Variants in DOCK10 observed in about 807,000 individuals in gnomAD.
DOCK10 encodes the protein dedicator of cytokinesis 10, also known as dedicator of cytokinesis protein 10.
A neutral mutation model predicts 280.1 loss-of-function variants in DOCK10; 145 were observed. The ratio of observed to expected loss-of-function variants is 0.52; its 90% confidence interval spans 0.45 to 0.59. DOCK10 has a LOEUF of 0.59. Among genes scored for constraint, DOCK10 ranks in the 20% least tolerant of loss-of-function variants. The probability of loss-of-function intolerance (pLI) is 0.00; values close to 1 mark genes in which losing one functional copy is unlikely to be tolerated. For synonymous variants in DOCK10, 915 were observed against 942.2 expected, an observed-to-expected ratio of 0.97 and a Z score of 0.53; for missense variants, 2,368 against 2,651.7, an observed-to-expected ratio of 0.89 and a Z score of 2.35.
At chr2:224,979,365 G>C (rs1705625185) in intron 1 of DOCK10, among the ~76,000 whole-genome samples, 1 of 152,248 alleles carries the variant, frequency 6.6e-6, no homozygotes, top group Non-Finnish European at 1.5e-5. Flanking sequence ...GAGTGGCAGA[G>C]ATACAACTCA....
intron 1 of DOCK10, among the ~76,000 whole-genome samples, chr2:224,967,740 A>AG (rs1417505398): frequency 2.0e-5 from 3 of 152,266 alleles, no homozygotes; most frequent in African/African-American, 7.2e-5. Context: ...GTAAAAAAAA[A>AG]AAACCACATA....
Position 224,815,761 on chromosome 2 carries a change from T to A in DOCK10, c.3364+856A>T, listed in dbSNP as rs73077782. Among the ~76,000 whole-genome samples the A allele has an allele frequency of 5.0e-3, 767 of 152,076 alleles. 2 individuals carry two copies. The highest frequency in any genetic ancestry group is 0.017 in the African/African-American group (724 of 41,494). ...AAAGCAAATATGCCTCTCAGCTGGG[T>A]GTGGCGGCTCACACCTGTAATCCCA... is the stretch of plus-strand genomic sequence containing the variant. On this transcript the variant is annotated intron_variant, in intron 30 of 55. Coordinates refer to ENST00000258390, the MANE Select transcript of DOCK10 (RefSeq NM_014689.3).
chr2:224,876,671 C>A (rs181270409), intron 7 of DOCK10, among the ~76,000 whole-genome samples: 1 of 152,148 alleles, frequency 6.6e-6, no homozygotes, highest in Admixed American at 6.5e-5. Flanking sequence ...TTTCTTTCTT[C>A]GTATCTTCCT....
At chr2:224,883,419 C>T (rs891153860) in intron 7 of DOCK10, among the ~76,000 whole-genome samples, 3 of 152,240 alleles carry the variant, frequency 2.0e-5, no homozygotes, top group South Asian at 2.1e-4. Context: ...AAAAAATATC[C>T]GGAACGTAAA....
intron 11 of DOCK10, among the ~76,000 whole-genome samples, chr2:224,872,877 T>G (rs144407809): frequency 2.8e-4 from 42 of 152,034 alleles, no homozygotes; most frequent in Middle Eastern, 3.4e-3. Context: ...GCCAAAATAT[T>G]AACTGTGCCT....
chr2:224,772,915 T>C (rs1430977787), intron 53 of DOCK10, among the ~76,000 whole-genome samples: 1 of 152,184 alleles, frequency 6.6e-6, no homozygotes, highest in African/African-American at 2.4e-5. Flanking sequence ...GAAGATGGGA[T>C]AGCAAGGTGG....
At position 224,874,336 on chromosome 2, in the gene DOCK10, G is replaced by A; in HGVS notation, c.1031C>T (p.Thr344Ile). 3.7e-6 allele frequency: 6 copies of A among 1,611,454 alleles called. No homozygotes were observed. In the South Asian group the frequency reaches 6.6e-5, roughly 18 times the overall value. Residue 344 changes from threonine (T) to isoleucine (I), a missense_variant, in exon 10 of 56, where the codon ACA becomes ATA. By Grantham distance (89) the Thr-to-Ile change is moderately conservative. Transcript: ENST00000258390. ...HADFAKYLTE[T>I]EDTVKTTRNM... ...TCGAGTTGTTTTTACAGTATCTTCT[G>A]TTTCTGTGAGGTACTACAGAGAAAA...
intron 3 of DOCK10, among the ~76,000 whole-genome samples, chr2:224,900,287 AAC>A (rs1700222210): frequency 1.3e-5 from 2 of 152,062 alleles, no homozygotes; most frequent in Non-Finnish European, 2.9e-5. Context: ...TAAAAAAAAA[AAC>A]ACAAAACTTT....
At chr2:224,857,085 A>T in intron 14 of DOCK10, 103 bp from the exon 15 acceptor site, 1 of 955,320 alleles carries the variant, frequency 1.0e-6, no homozygotes, top group East Asian at 3.0e-5. Flanking sequence ...AATCAGAGAA[A>T]CTCTAAGAAC....
intron 1 of DOCK10, among the ~76,000 whole-genome samples, chr2:225,007,405 AG>A (rs1689304597): frequency 6.6e-6 from 1 of 152,226 alleles, no homozygotes; most frequent in South Asian, 2.1e-4. Flanking sequence ...TGAAGTTTAA[AG>A]CAGACTTAGT....
chr2:224,960,604 C>A (rs916715447), intron 1 of DOCK10, among the ~76,000 whole-genome samples: 1 of 152,022 alleles, frequency 6.6e-6, no homozygotes, highest in East Asian at 1.9e-4. Context: ...TTCTAAATAC[C>A]CTTCCATGCA....
At chr2:224,806,981 C>G (rs1051874171) in intron 33 of DOCK10, among the ~76,000 whole-genome samples, 2 of 152,026 alleles carry the variant, frequency 1.3e-5, no homozygotes, top group African/African-American at 4.8e-5. Flanking sequence ...ACAATTTAAT[C>G]CTCATAAAGA....
chr2:225,007,970 G>A (rs939634284), intron 1 of DOCK10, among the ~76,000 whole-genome samples: 1 of 151,454 alleles, frequency 6.6e-6, no homozygotes, highest in Non-Finnish European at 1.5e-5. Context: ...TTTTTTCAAT[G>A]GAGTGGGGGC....
intron 28 of DOCK10, among the ~76,000 whole-genome samples, chr2:224,821,579 T>A (rs192589058): frequency 8.7e-4 from 132 of 152,318 alleles, no homozygotes; most frequent in Middle Eastern, 6.8e-3. Context: ...CAATTTTTTT[T>A]AATATTATGT....
rs1174651393 is a variant in DOCK10, at chr2:224,892,397, C to CAAA, written c.416+3895_416+3897dup. On this transcript the variant is annotated intron_variant, in intron 4 of 55. Transcript: ENST00000258390. ...CTGGGGACGAAGTGAGACCCTGTCT[C>CAAA]AAAAAAAAAAAAAAAAAAAAAAAAA... 8.0e-3 allele frequency among the ~76,000 whole-genome samples: 420 copies of CAAA among 52,200 alleles called. 5 individuals are homozygous for CAAA. The highest frequency in any genetic ancestry group is 0.014 in the African/African-American group (178 of 12,910). The allele number at this position is 52,200 out of a possible 152,430, so 34.2% of individuals were successfully genotyped here.
At chr2:224,979,674 C>CT (rs1705643969) in intron 1 of DOCK10, among the ~76,000 whole-genome samples, 3 of 152,242 alleles carry the variant, frequency 2.0e-5, no homozygotes, top group African/African-American at 7.2e-5. Context: ...TGGGTCATTC[C>CT]CTTGACTCCT....
At chr2:224,797,266 T>C in intron 42 of DOCK10, 120 bp from the exon 43 acceptor site, 1 of 82,984 alleles carries the variant, frequency 1.2e-5, no homozygotes, top group Non-Finnish European at 1.6e-5. Flanking sequence ...ACTTGGTCTA[T>C]TTTTTTTTTT....
chr2:224,890,312 CAAG>C (rs1465085924), intron 4 of DOCK10, among the ~76,000 whole-genome samples: 2 of 152,102 alleles, frequency 1.3e-5, no homozygotes, highest in Non-Finnish European at 2.9e-5. Flanking sequence ...TACTTATAAA[CAAG>C]GAGGAGAGAA....
Position 225,018,746 on chromosome 2 carries a change from C to CAG in DOCK10, c.123+23505_123+23506insCT, listed in dbSNP as rs1413731389. On this transcript the variant is annotated intron_variant, in intron 1 of 55. Transcript: ENST00000258390. Reference sequence around the variant, plus strand: ...GATTTCATGTAAATATATATATATACACATACACATATGTGTATATGTACA... The same window carrying CAG: ...GATTTCATGTAAATATATATATATACAGACATACACATATGTGTATATGTACA... Among the ~76,000 whole-genome samples, 3 of 52,190 alleles carry CAG rather than the reference C, an allele frequency of 5.7e-5. 1 individual carries two copies. Among genetic ancestry groups the CAG allele is most frequent in the African/African-American group, 1.4e-4 (3 of 20,984 alleles). The allele number at this position is 52,190 out of a possible 152,430, so 34.2% of individuals were successfully genotyped here.
Sources: allele counts gnomAD v4.1 joint callset (sites outside exome capture counted in the v4.1 genomes callset), GRCh38; gene constraint gnomAD v4.1.1; transcripts MANE v1.5; gene names NCBI Gene and HGNC (gene_info 2026-07-23, HGNC 2026-07-21).